The following ITGA4 variants were observed in gnomAD, a reference collection of about 807,000 sequenced individuals.
ITGA4 encodes integrin subunit alpha 4.
ITGA4 carries 63 observed loss-of-function variants against 133.6 expected under a neutral mutation model. The ratio of observed to expected loss-of-function variants is 0.47; its 90% CI spans 0.38 to 0.58. The LOEUF is 0.58. Ranked by LOEUF, ITGA4 falls within the 20% of genes least tolerant of loss-of-function variation. The pLI is 0.00. For missense variants in ITGA4, 1,076 were observed against 1,252.7 expected (o/e 0.86, Z 2.13); for synonymous variants, 483 against 438.0 (o/e 1.10, Z -1.28).
intron 2 of ITGA4, among the ~76,000 whole-genome samples, chr2:181,466,316 A>C (rs1473185259): frequency 1.3e-5 from 2 of 152,174 alleles, no homozygotes; most frequent in Non-Finnish European, 2.9e-5. Flanking sequence ...TAGCTGAAAT[A>C]ACTGGCTTTT....
Position 181,501,940 on chromosome 2 carries a change from C to T in ITGA4, c.1695+3163C>T, listed in dbSNP as rs149227602. Among the ~76,000 whole-genome samples the T allele has an allele frequency of 4.0e-3, 601 of 152,024 alleles. 5 individuals carry two copies. The highest frequency in any genetic ancestry group is 0.014 in the African/African-American group (577 of 41,474). ...TTGGCATATGGATGGTATTTAAAGCCGTATTAAGATGGCTGAGATCAGAAG... is the reference window on the plus strand; with the variant it reads ...TTGGCATATGGATGGTATTTAAAGCTGTATTAAGATGGCTGAGATCAGAAG... On this transcript the variant is annotated intron_variant, in intron 15 of 27. Transcript: ENST00000397033.
chr2:181,458,831 A>G (rs1685199133), intron 2 of ITGA4: 1 of 153,394 alleles, frequency 6.5e-6, no homozygotes, highest in Admixed American at 6.4e-5. Context: ...AAGAAAAGGA[A>G]AATTGGCATC....
intron 7 of ITGA4, 61 bp from the exon 8 acceptor site, chr2:181,482,299 G>T: frequency 6.9e-7 from 1 of 1,456,276 alleles, no homozygotes; most frequent in Admixed American, 2.4e-5. Flanking sequence ...CAAACAGAAA[G>T]GAGTGGTGTT....
At chr2:181,530,411 T>C (rs1686920970) in intron 23 of ITGA4, 113 bp from the exon 24 acceptor site, 5 of 913,124 alleles carry the variant, frequency 5.5e-6, no homozygotes, top group African/African-American at 5.1e-5. Context: ...ATTTCAGAGG[T>C]ACTTGATATA....
rs189163426 is a variant in ITGA4, at chr2:181,536,977, G to C, written c.*1450G>C. The C allele has an allele frequency of 7.7e-4, 347 of 452,332 alleles. 1 individual carries two copies. Among genetic ancestry groups the C allele is most frequent in the Non-Finnish European group, 7.4e-4 (167 of 226,212 alleles). The allele number at this position is 452,332 out of a possible 1,614,324, so 28.0% of individuals were successfully genotyped here. ...CCACTAGCCAGCCATCCTAATTGAT[G>C]AAAGTTATCTGTTCACAGGCCTGCA... On this transcript the variant is annotated 3_prime_UTR_variant, in exon 28 of 28. Coordinates refer to ENST00000397033, the MANE Select transcript of ITGA4 (RefSeq NM_000885.6).
At chr2:181,494,020 G>T (rs1195908492) in intron 11 of ITGA4, among the ~76,000 whole-genome samples, 1 of 152,090 alleles carries the variant, frequency 6.6e-6, no homozygotes, top group Non-Finnish European at 1.5e-5. Flanking sequence ...TTTTTGATTA[G>T]AAAAATGAGC....
chr2:181,485,732 G>T (rs1217377909), intron 9 of ITGA4, 149 bp from the exon 10 acceptor site: 2 of 601,976 alleles, frequency 3.3e-6, no homozygotes, highest in Non-Finnish European at 5.8e-6. Context: ...TTATTGAATT[G>T]AACTGAGATG....
At position 181,516,359 on chromosome 2, in the gene ITGA4, T is replaced by C. The variant is rs1686607523; in HGVS notation, c.1922+4584T>C. Among the ~76,000 whole-genome samples the C allele has an allele frequency of 6.6e-6, 1 of 152,094 alleles. No homozygotes were observed. The highest frequency in any genetic ancestry group is 1.5e-5 in the Non-Finnish European group (1 of 68,004). ...ATATTATTTCGCATAATAAGCAGTC[T>C]TGAGGAAGGATGTTCACAGGTTTGG... On this transcript the variant is annotated intron_variant, in intron 17 of 27. Transcript: ENST00000397033. The surrounding 1 kb of genome is among the most constrained non-coding windows in gnomAD (Gnocchi z 4.0).
Position 181,538,801 on chromosome 2 carries a change from A to T in ITGA4, c.*3274A>T, listed in dbSNP as rs1334863888. On this transcript the variant is annotated 3_prime_UTR_variant, in exon 28 of 28. Coordinates refer to ENST00000397033, the MANE Select transcript of ITGA4 (RefSeq NM_000885.6). The stretch of plus-strand genomic sequence containing the variant: ...ATCTTGATCCATTTTTAAAAATCCA[A>T]AATGGAAGTTGTAGACATTATCTGT... Among the ~76,000 whole-genome samples the T allele has an allele frequency of 6.6e-6, 1 of 152,218 alleles. No homozygotes were observed. Among genetic ancestry groups the T allele is most frequent in the Non-Finnish European group, 1.5e-5 (1 of 68,026 alleles).
Position 181,524,222 on chromosome 2 carries a change from G to A in ITGA4, c.2221G>A (p.Asp741Asn), listed in dbSNP as rs180712140. The A allele has an allele frequency of 6.3e-7, 1 of 1,599,210 alleles. No homozygotes were observed. The highest frequency in any genetic ancestry group is 1.4e-5 in the African/African-American group (1 of 73,934). ...GAGCTCACTCAGCAGAGCGGAAGAG[G>A]ACCTCAGTATCACAGTGCATGCTAC... ...DVSSLSRAEEDLSITVHATCE... is the reference protein window; with the variant it reads ...DVSSLSRAEENLSITVHATCE... The change falls in exon 20 of 28, where the codon GAC becomes AAC. Residue 741 changes from aspartate to asparagine, a missense_variant. Physicochemically the swap from Asp to Asn is conservative, Grantham distance 23 (BLOSUM62 1). Coordinates refer to ENST00000397033, the MANE Select transcript of ITGA4 (RefSeq NM_000885.6).
In ITGA4 at chr2:181,495,952, C is replaced by G. The variant is rs751228122; in HGVS notation, c.1540+15C>G. The G allele has an allele frequency of 1.9e-6, 3 of 1,612,020 alleles. No homozygotes were observed. Among genetic ancestry groups the G allele is most frequent in the Non-Finnish European group, 2.5e-6 (3 of 1,178,714 alleles). On this transcript the variant is annotated intron_variant, in intron 14 of 27. Transcript: ENST00000397033. This position sits in a 1 kb window ranked among gnomAD's most constrained non-coding sequence, Gnocchi z 4.3. The stretch of plus-strand genomic sequence containing the variant: ...AGGTTACATTGGTGGGTATGCCCTA[C>G]AATATTAATGCTTGATGGGGTGCGG...
Position 181,523,384 on chromosome 2 carries a change from C to T in ITGA4, c.2074-53C>T. The stretch of plus-strand genomic sequence containing the variant: ...AATAACCATCCTTAAACATATGTTA[C>T]AAACTTTTTATTTCCTTCCTGTCCA... On this transcript the variant is annotated intron_variant, in intron 18 of 27. Transcript: ENST00000397033. The surrounding 1 kb of genome is among the most constrained non-coding windows in gnomAD (Gnocchi z 4.2). 9.3e-7 allele frequency: 1 copy of T among 1,072,902 alleles called. No homozygotes were observed. Among genetic ancestry groups the T allele is most frequent in the Non-Finnish European group, 1.4e-6 (1 of 691,136 alleles). 66.5% of individuals were successfully genotyped at this position (1,072,902 alleles called of 1,614,324 possible). A position where few individuals can be genotyped will look rare whatever the true frequency, so the allele number is the denominator to read the frequency against.
At chr2:181,462,787 A>G (rs1013102524) in intron 2 of ITGA4, among the ~76,000 whole-genome samples, 1 of 152,184 alleles carries the variant, frequency 6.6e-6, no homozygotes, top group East Asian at 1.9e-4. Flanking sequence ...TTTTTGCCTT[A>G]AGTTTACTTG....
rs1393061223 is a variant in ITGA4 at position 181,538,323 on chromosome 2, A to C, written c.*2796A>C. 8.9e-6 allele frequency: 7 copies of C among 788,564 alleles called. No individual in the cohort carries two copies. Among genetic ancestry groups the C allele is most frequent in the Non-Finnish European group, 1.5e-5 (7 of 452,700 alleles). 48.8% of individuals were successfully genotyped at this position (788,564 alleles called of 1,614,324 possible). On this transcript the variant is annotated 3_prime_UTR_variant, in exon 28 of 28. Coordinates refer to ENST00000397033, the MANE Select transcript of ITGA4 (RefSeq NM_000885.6). ...CCTAATAAGTATGGTACACAATGCC[A>C]ATGCCAAATACAAATTGATAACAAA...
At chr2:181,467,939 T>C (rs889243558) in intron 2 of ITGA4, among the ~76,000 whole-genome samples, 3 of 152,336 alleles carry the variant, frequency 2.0e-5, no homozygotes, top group African/African-American at 7.2e-5. Flanking sequence ...ATGTGTATGA[T>C]TACAGTTCCC....
intron 2 of ITGA4, among the ~76,000 whole-genome samples, chr2:181,464,435 A>G (rs1685364272): frequency 6.6e-6 from 1 of 152,160 alleles, no homozygotes; most frequent in African/African-American, 2.4e-5. Context: ...TGAATAAGGC[A>G]TGGTTAAAGC....
At chr2:181,525,331 AT>A in intron 21 of ITGA4, 40 bp downstream of exon 21, 1 of 1,077,208 alleles carries the variant, frequency 9.3e-7, no homozygotes, top group Non-Finnish European at 1.4e-6. Flanking sequence ...TTTAGAGCTG[AT>A]TTACAGTTTC....
intron 15 of ITGA4, among the ~76,000 whole-genome samples, chr2:181,504,463 G>A (rs182885470): frequency 3.0e-4 from 45 of 151,952 alleles, no homozygotes; most frequent in African/African-American, 2.4e-5. Flanking sequence ...AGCAATACAT[G>A]CACATAGTTT....
chr2:181,457,381 C>A, upstream of ITGA4: 2 of 405,796 alleles, frequency 4.9e-6, no homozygotes, highest in South Asian at 2.8e-5. Context: ...CGGCCCGTAC[C>A]CGGAGAAGCA....
Sources: gnomAD v4.1 joint callset for allele counts (sites outside exome capture counted in the v4.1 genomes callset) on GRCh38, gnomAD v4.1.1 for gene constraint, Gnocchi (gnomAD v3.1) non-coding constraint, MANE v1.5 for transcripts, NCBI Gene and HGNC (gene_info 2026-07-23, HGNC 2026-07-21) for gene names.